Variants in IFT27 observed in about 807,000 individuals in gnomAD.
The protein encoded by IFT27 is intraflagellar transport protein 27 homolog.
IFT27 carries 19 observed loss-of-function variants against 23.9 expected under a neutral mutation model. The ratio of observed to expected loss-of-function variants is 0.79; its 90% CI spans 0.55 to 1.16. IFT27 has a LOEUF of 1.16. IFT27 is among the 50% of genes most tolerant of loss of function. The pLI, the probability that IFT27 is intolerant of heterozygous loss-of-function variation, is 0.00. For synonymous variants in IFT27, 91 were observed against 89.1 expected (o/e 1.02, Z -0.12); for missense variants, 206 against 228.7 (o/e 0.90, Z 0.64).
At chr22:36,758,695 G>T in intron 6 of IFT27, 1 of 428,474 alleles carries the variant, frequency 2.3e-6, no homozygotes, top group Non-Finnish European at 4.3e-6. Context: ...GCTTTTAGTT[G>T]CAGTCACTGT....
At chr22:36,760,269 C>T (rs192860047) in intron 6 of IFT27, 1 of 152,186 alleles carries the variant, frequency 6.6e-6, no homozygotes, top group South Asian at 2.1e-4. Flanking sequence ...AGCGCACGCA[C>T]GGGGATTTCA....
intron 1 of IFT27, among the ~76,000 whole-genome samples, chr22:36,769,231 A>G (rs1030711203): frequency 7.9e-5 from 12 of 152,134 alleles, no homozygotes; most frequent in African/African-American, 2.9e-4. Flanking sequence ...CTTCCCCGCC[A>G]AGGTATCATT....
At chr22:36,770,435 T>G (rs1938363404) in intron 1 of IFT27, among the ~76,000 whole-genome samples, 1 of 152,076 alleles carries the variant, frequency 6.6e-6, no homozygotes, top group Non-Finnish European at 1.5e-5. Context: ...CCTAGTCCAC[T>G]CCGTCCCACT....
intron 6 of IFT27, 141 bp from the exon 7 acceptor site, chr22:36,758,550 T>C: frequency 3.1e-6 from 2 of 640,552 alleles, no homozygotes; most frequent in East Asian, 5.5e-5. Flanking sequence ...GCCACTTTCA[T>C]GGATGCCAGT....
Position 36,767,902 on chromosome 22 carries a change from T to C in IFT27, c.35-40A>G, listed in dbSNP as rs753460599. 2.6e-6 allele frequency: 4 copies of C among 1,536,570 alleles called. No individual in the cohort carries two copies. The South Asian group carries it at 3.4e-5, about 13-fold the overall frequency. On this transcript the variant is annotated intron_variant, in intron 1 of 6. Coordinates refer to ENST00000433985, the MANE Select transcript of IFT27 (RefSeq NM_001177701.3). ...AAGAAGAAAAAGAACGCCTTAGTTC[T>C]CATCTGACTTGAGAATCTCCCGCTG...
intron 1 of IFT27, among the ~76,000 whole-genome samples, chr22:36,775,143 C>T (rs1362675574): frequency 6.6e-6 from 1 of 151,942 alleles, no homozygotes; most frequent in African/African-American, 2.4e-5. Flanking sequence ...ACATTTATGC[C>T]CTTCTTGGAG....
Position 36,769,650 on chromosome 22 carries a change from T to C in IFT27, c.35-1788A>G, listed in dbSNP as rs904037319. 7.2e-5 allele frequency among the ~76,000 whole-genome samples: 11 copies of C among 152,258 alleles called. No homozygotes were observed. In the South Asian group the frequency reaches 8.3e-4, roughly 11 times the overall value. The stretch of plus-strand genomic sequence containing the variant: ...GATTACAGAAGTGAGTTCTGACCCA[T>C]TTTTAATGCTGTCCCTCCAAGCCCT... On this transcript the variant is annotated intron_variant, in intron 1 of 6. Coordinates refer to ENST00000433985, the MANE Select transcript of IFT27 (RefSeq NM_001177701.3).
At chr22:36,766,665 G>A (rs1938257427) in intron 3 of IFT27, among the ~76,000 whole-genome samples, 1 of 152,146 alleles carries the variant, frequency 6.6e-6, no homozygotes, top group African/African-American at 2.4e-5. Context: ...ACCCTTCTGG[G>A]ATGGCTAAGG....
chr22:36,774,044 A>T (rs946500279), intron 1 of IFT27, among the ~76,000 whole-genome samples: 1 of 152,216 alleles, frequency 6.6e-6, no homozygotes, highest in Non-Finnish European at 1.5e-5. Flanking sequence ...CTTATCCATA[A>T]GGAAATTAAA....
intron 6 of IFT27, chr22:36,761,649 GT>G (rs1938093473): frequency 1.3e-5 from 2 of 152,334 alleles, no homozygotes; most frequent in Non-Finnish European, 2.9e-5. Context: ...GATAAGGGAT[GT>G]ATTTTATGAT....
chr22:36,776,036 G>A lies in IFT27; in HGVS notation c.-329C>T. On this transcript the variant is annotated 5_prime_UTR_variant, in exon 1 of 7. Transcript: ENST00000433985. ...GCCCCTCAGCACAGCCCTACCCAGA[G>A]GGTTCAAGGAAGGACGATCCGGCTC... is the stretch of plus-strand genomic sequence containing the variant. The A allele has an allele frequency of 2.2e-6, 1 of 451,504 alleles. No homozygotes were observed. The highest frequency in any genetic ancestry group is 4.0e-5 in the East Asian group (1 of 24,998). 28.0% of individuals were successfully genotyped at this position (451,504 alleles called of 1,614,324 possible).
At chr22:36,766,254 A>C (rs899403661) in intron 3 of IFT27, 57 bp from the exon 4 acceptor site, 5 of 1,408,856 alleles carry the variant, frequency 3.5e-6, no homozygotes, top group Non-Finnish European at 5.0e-6. Flanking sequence ...GCTACGAGTC[A>C]CTGGTATCAC....
Position 36,766,202 on chromosome 22 carries a change from A to G in IFT27, c.175-5T>C. On this transcript the variant is annotated splice_region_variant and splice_polypyrimidine_tract_variant and intron_variant, in intron 3 of 6. Transcript: ENST00000433985. ...AGAGTCAAAAATGAAGAGTTCCTAC[A>G]ATCAGAAAAGCAAGAAAAGTCTCCA... 6.2e-7 allele frequency: 1 copy of G among 1,613,972 alleles called. No individual in the cohort carries two copies. Among genetic ancestry groups the G allele is most frequent in the Non-Finnish European group, 8.5e-7 (1 of 1,179,890 alleles).
chr22:36,764,972 T>A (rs150889063), intron 4 of IFT27, among the ~76,000 whole-genome samples: 10 of 152,278 alleles, frequency 6.6e-5, no homozygotes, highest in African/African-American at 2.4e-4. Flanking sequence ...AGAATCCTTT[T>A]CCCTCCAGAT....
chr22:36,771,516 T>C (rs529267025), intron 1 of IFT27, among the ~76,000 whole-genome samples: 9 of 152,226 alleles, frequency 5.9e-5, no homozygotes, highest in African/African-American at 7.2e-5. Context: ...CTCTGTGGCA[T>C]GTGCTGGGGT....
intron 4 of IFT27, among the ~76,000 whole-genome samples, 177 bp from the exon 5 acceptor site, chr22:36,764,213 G>A (rs886590031): frequency 2.0e-5 from 3 of 152,274 alleles, no homozygotes; most frequent in South Asian, 2.1e-4. Context: ...GGAGGGCCAC[G>A]TTCAGTGGCA....
chr22:36,771,673 C>T (rs113731825), intron 1 of IFT27, among the ~76,000 whole-genome samples: 13 of 152,350 alleles, frequency 8.5e-5, no homozygotes, highest in African/African-American at 3.1e-4. Context: ...CTCAATGCTG[C>T]CTTCTTGCTT....
At position 36,767,289 on chromosome 22, in the gene IFT27, G is replaced by C. The variant is rs371108378; in HGVS notation, c.174+17C>G. Reference sequence around the variant, plus strand: ...CTGGGGGAGCCCTGAGTTCCCCTGGGTAAAGGCATCACTCACCACACTGTC... The same window carrying C: ...CTGGGGGAGCCCTGAGTTCCCCTGGCTAAAGGCATCACTCACCACACTGTC... On this transcript the variant is annotated intron_variant, in intron 3 of 6. Coordinates refer to ENST00000433985, the MANE Select transcript of IFT27 (RefSeq NM_001177701.3). 12 of 1,610,820 alleles carry C rather than the reference G, an allele frequency of 7.4e-6. No individual in the cohort carries two copies. In the African/African-American group the frequency reaches 1.6e-4, roughly 22 times the overall value.
At chr22:36,768,090 T>C (rs772610147) in intron 1 of IFT27, 1 of 655,616 alleles carries the variant, frequency 1.5e-6, no homozygotes, top group Non-Finnish European at 2.9e-6. Flanking sequence ...AAGCCTTTTA[T>C]CCACAGGAAC....
Sources: gnomAD v4.1 joint callset for allele counts (sites outside exome capture counted in the v4.1 genomes callset) on GRCh38, gnomAD v4.1.1 for gene constraint, MANE v1.5 for transcripts, NCBI Gene and HGNC (gene_info 2026-07-23, HGNC 2026-07-21) for gene names.